Variants in FHIT observed in about 807,000 individuals in gnomAD.
FHIT encodes the protein fragile histidine triad diadenosine triphosphatase, also known as bis(5'-adenosyl)-triphosphatase.
In FHIT, 19 loss-of-function variants were observed where a neutral mutation model predicts 17.9. The observed-to-expected ratio is 1.06, with a 90% confidence interval of 0.74 to 1.56. The LOEUF (loss-of-function observed/expected upper bound fraction) is 1.56. Ranked by LOEUF, FHIT falls within the 40% of genes most tolerant of loss-of-function variation. FHIT has a pLI of 0.00. For missense variants in FHIT, 248 were observed against 189.2 expected (o/e 1.31, Z -1.82); for synonymous variants, 81 against 69.7 (o/e 1.16, Z -0.81).
chr3:60,127,843 C>G (rs554922158), intron 5 of FHIT, among the ~76,000 whole-genome samples: 1 of 152,142 alleles, frequency 6.6e-6, no homozygotes, highest in Non-Finnish European at 1.5e-5. Context: ...GTTGCCCAGT[C>G]TGGTCTCAAA....
At chr3:60,036,368 A>G (rs212064) in intron 5 of FHIT, among the ~76,000 whole-genome samples, 105,600 of 151,914 alleles carry the variant, frequency 0.7, 37,363 homozygotes, top group Middle Eastern at 0.83. Context: ...TAAGACTCTC[A>G]TGACTCTCTG....
chr3:61,120,610 G>A (rs2036429478), intron 2 of FHIT, among the ~76,000 whole-genome samples: 2 of 152,036 alleles, frequency 1.3e-5, no homozygotes, highest in African/African-American at 4.8e-5. Context: ...ACCAACCACT[G>A]GTAGGTCCCC....
At chr3:60,133,566 C>G (rs746424940) in intron 5 of FHIT, among the ~76,000 whole-genome samples, 16 of 151,962 alleles carry the variant, frequency 1.1e-4, no homozygotes, top group African/African-American at 3.6e-4. Context: ...TGGTTCAATT[C>G]TTTATCTCTT....
At chr3:60,307,054 T>C (rs902693049) in intron 5 of FHIT, among the ~76,000 whole-genome samples, 1 of 152,126 alleles carries the variant, frequency 6.6e-6, no homozygotes, top group African/African-American at 2.4e-5. Flanking sequence ...ATGCCCCCTT[T>C]TGACATGACT....
chr3:60,639,554 A>G (rs1553684823), intron 4 of FHIT, among the ~76,000 whole-genome samples: 1 of 152,196 alleles, frequency 6.6e-6, no homozygotes, highest in Non-Finnish European at 1.5e-5. Flanking sequence ...TTGTTAGGAC[A>G]AACTAGAAAT....
intron 3 of FHIT, among the ~76,000 whole-genome samples, chr3:61,033,318 G>A (rs1034959138): frequency 7.2e-5 from 11 of 152,182 alleles, no homozygotes; most frequent in East Asian, 1.9e-4. Flanking sequence ...AAATTCTACT[G>A]TCCAATATAG....
intron 5 of FHIT, among the ~76,000 whole-genome samples, chr3:60,313,964 C>G (rs1239573078): frequency 6.6e-6 from 1 of 152,202 alleles, no homozygotes; most frequent in Non-Finnish European, 1.5e-5. Flanking sequence ...TGTTGGTGCA[C>G]TGGCGTTGAA....
At chr3:61,033,142 A>G (rs1218487940) in intron 3 of FHIT, among the ~76,000 whole-genome samples, 1 of 152,226 alleles carries the variant, frequency 6.6e-6, no homozygotes, top group East Asian at 1.9e-4. Flanking sequence ...TCTTCCAGAA[A>G]CACCCTCGCA....
intron 2 of FHIT, among the ~76,000 whole-genome samples, chr3:61,044,230 C>T (rs1211868182): frequency 6.6e-6 from 1 of 152,054 alleles, no homozygotes; most frequent in Non-Finnish European, 1.5e-5. Context: ...AGCTAAAAAC[C>T]TTGAAAAAAG....
chr3:60,393,780 A>G (rs1214785050), intron 5 of FHIT, among the ~76,000 whole-genome samples: 1 of 152,090 alleles, frequency 6.6e-6, no homozygotes, highest in Non-Finnish European at 1.5e-5. Context: ...ATGAACTCTT[A>G]TCCCCACATG....
intron 5 of FHIT, among the ~76,000 whole-genome samples, chr3:60,457,113 G>C (rs576260308): frequency 6.6e-6 from 1 of 152,078 alleles, no homozygotes; most frequent in Non-Finnish European, 1.5e-5. Flanking sequence ...AACAGAGCCC[G>C]TATTGCCAAG....
intron 3 of FHIT, among the ~76,000 whole-genome samples, chr3:60,898,944 G>A (rs6763967): frequency 0.25 from 37,357 of 151,992 alleles, 4,743 homozygotes; most frequent in Middle Eastern, 0.33. Flanking sequence ...AAACACATTG[G>A]CCTTAGAAAT....
chr3:60,121,882 T>G (rs1431552842), intron 5 of FHIT, among the ~76,000 whole-genome samples: 1 of 152,152 alleles, frequency 6.6e-6, no homozygotes, highest in Non-Finnish European at 1.5e-5. Context: ...TCTAATTCTA[T>G]GAGACATTTC....
At chr3:59,768,418 G>C (rs992801394) in intron 8 of FHIT, among the ~76,000 whole-genome samples, 2 of 152,116 alleles carry the variant, frequency 1.3e-5, no homozygotes, top group African/African-American at 4.8e-5. Flanking sequence ...CTCACTACCA[G>C]CCCTTTGCAC....
At chr3:60,177,464 A>G (rs1264002631) in intron 5 of FHIT, among the ~76,000 whole-genome samples, 1 of 152,212 alleles carries the variant, frequency 6.6e-6, no homozygotes, top group East Asian at 1.9e-4. Flanking sequence ...AATTAAAAAT[A>G]AAAAACAAGT....
chr3:59,783,261 G>C (rs1223514603), intron 8 of FHIT, among the ~76,000 whole-genome samples: 3 of 152,182 alleles, frequency 2.0e-5, no homozygotes, highest in Non-Finnish European at 4.4e-5. Flanking sequence ...ACGAGGTCAA[G>C]AGATCGAGAC....
At position 60,890,975 on chromosome 3, in the gene FHIT, C is replaced by T. The variant is rs1365086695; in HGVS notation, c.-110-68964G>A. Among the ~76,000 whole-genome samples, 7 of 152,286 alleles carry T rather than the reference C, an allele frequency of 4.6e-5. No individual in the cohort carries two copies. The East Asian group carries it at 5.8e-4, about 13-fold the overall frequency. On this transcript the variant is annotated intron_variant, in intron 3 of 9. Transcript: ENST00000492590. The stretch of plus-strand genomic sequence containing the variant: ...GGCATGAGCTACTGTCATGGGCATT[C>T]GTCAATAGGTTGAAGATCTCATTAA...
intron 5 of FHIT, among the ~76,000 whole-genome samples, chr3:60,038,748 T>C (rs1701321495): frequency 6.6e-6 from 1 of 152,018 alleles, no homozygotes; most frequent in Non-Finnish European, 1.5e-5. Flanking sequence ...GAAAGCAACA[T>C]GAAAAGAAAA....
At chr3:60,778,883 G>C (rs1390813746) in intron 4 of FHIT, among the ~76,000 whole-genome samples, 5 of 152,150 alleles carry the variant, frequency 3.3e-5, no homozygotes, top group Non-Finnish European at 5.9e-5. Context: ...TGTTGTCTAT[G>C]CAGTCCCTGT....
Sources: allele counts gnomAD v4.1 joint callset (sites outside exome capture counted in the v4.1 genomes callset), GRCh38; gene constraint gnomAD v4.1.1; transcripts MANE v1.5; gene names NCBI Gene and HGNC (gene_info 2026-07-23, HGNC 2026-07-21).